Variants in CCDC171 observed in about 807,000 individuals in gnomAD.
The protein encoded by CCDC171 is coiled-coil domain-containing protein 171.
CCDC171 carries 177 observed loss-of-function variants against 168.2 expected under a neutral mutation model. The observed-to-expected ratio is 1.05, with a 90% CI of 0.93 to 1.19. The LOEUF (loss-of-function observed/expected upper bound fraction) is 1.19. CCDC171 is among the 50% of genes most tolerant of loss of function. The pLI, the probability that CCDC171 is intolerant of heterozygous loss-of-function variation, is 0.00. For synonymous variants in CCDC171, 687 were observed against 540.8 expected (o/e 1.27, Z -3.75); for missense variants, 1,991 against 1,539.0 (o/e 1.29, Z -4.91).
At chr9:15,850,404 A>G (rs1229291307) in intron 23 of CCDC171, 1 of 152,002 alleles carries the variant, frequency 6.6e-6, no homozygotes, top group Non-Finnish European at 1.5e-5. Flanking sequence ...GATTATAATC[A>G]TACAGTTCTT....
At chr9:15,728,414 A>T (rs1157980038) in intron 15 of CCDC171, among the ~76,000 whole-genome samples, 1 of 152,210 alleles carries the variant, frequency 6.6e-6, no homozygotes, top group Non-Finnish European at 1.5e-5. Flanking sequence ...AGCAGGATAT[A>T]GTTATTCAAA....
intron 1 of CCDC171, among the ~76,000 whole-genome samples, chr9:16,054,781 G>A (rs1833807597): frequency 6.6e-6 from 1 of 152,216 alleles, no homozygotes; most frequent in South Asian, 2.1e-4. Context: ...AGTGTTATTG[G>A]CATGTTGGAT....
At chr9:16,083,503 T>C in the CCDC171 span, among the ~76,000 whole-genome samples, 2 of 152,200 alleles carry the variant, frequency 1.3e-5, no homozygotes, top group Non-Finnish European at 2.9e-5. Flanking sequence ...TTAAATATAT[T>C]CCATTGAGAT....
At chr9:15,579,597 A>T (rs2040952284) in intron 4 of CCDC171, among the ~76,000 whole-genome samples, 1 of 152,202 alleles carries the variant, frequency 6.6e-6, no homozygotes, top group Non-Finnish European at 1.5e-5. Context: ...TAGCGATATC[A>T]CTCATAACAA....
At chr9:15,590,221 G>T (rs573039391) in intron 4 of CCDC171, among the ~76,000 whole-genome samples, 2 of 152,248 alleles carry the variant, frequency 1.3e-5, no homozygotes, top group East Asian at 3.9e-4. Context: ...GACTTTTAAT[G>T]TATTTCCTTT....
At chr9:15,661,290 A>AC (rs1554742162) in intron 8 of CCDC171, among the ~76,000 whole-genome samples, 91 of 52,744 alleles carry the variant, frequency 1.7e-3, no homozygotes, top group Admixed American at 4.3e-3. Context: ...AAAAAAAAAA[A>AC]AAAAAAAAAA....
intron 6 of CCDC171, among the ~76,000 whole-genome samples, chr9:15,615,990 G>A (rs566473495): frequency 1.1e-4 from 17 of 151,666 alleles, no homozygotes; most frequent in South Asian, 1.0e-3. Flanking sequence ...TCGCTCTGTC[G>A]CCCAGGCTGG....
intron 2 of CCDC171, among the ~76,000 whole-genome samples, chr9:15,565,272 A>C (rs1343815948): frequency 6.6e-6 from 1 of 152,112 alleles, no homozygotes; most frequent in African/African-American, 2.4e-5. Flanking sequence ...ATATGTATTT[A>C]CAAATTAGAA....
At chr9:15,930,493 AC>A (rs1293906762) in intron 25 of CCDC171, among the ~76,000 whole-genome samples, 1 of 151,510 alleles carries the variant, frequency 6.6e-6, no homozygotes, top group Non-Finnish European at 1.5e-5. Context: ...ATATTTTGGC[AC>A]CCCTACCTCT....
In CCDC171 at chr9:15,941,158, C is replaced by A. The variant is rs141836862; in HGVS notation, c.3753+20736C>A. On this transcript the variant is annotated intron_variant, in intron 25 of 25. Coordinates refer to ENST00000380701, the MANE Select transcript of CCDC171 (RefSeq NM_173550.4). ...TATTGCAGAGGATTCAGATCATTAA[C>A]AACAGTAATAGCATATGTTTCAGTT... is the stretch of plus-strand genomic sequence containing the variant. Among the ~76,000 whole-genome samples, 21 of 152,054 alleles carry A rather than the reference C, an allele frequency of 1.4e-4. 1 individual carries two copies. Among genetic ancestry groups the A allele is most frequent in the African/African-American group, 4.6e-4 (19 of 41,510 alleles).
At chr9:15,663,234 C>T (rs894930956) in intron 8 of CCDC171, among the ~76,000 whole-genome samples, 3 of 152,132 alleles carry the variant, frequency 2.0e-5, no homozygotes, top group Non-Finnish European at 4.4e-5. Context: ...GTTTGCACAG[C>T]GTCAAACCCA....
intron 20 of CCDC171, among the ~76,000 whole-genome samples, chr9:15,779,768 T>C (rs372726862): frequency 6.6e-6 from 1 of 152,354 alleles, no homozygotes; most frequent in East Asian, 1.9e-4. Flanking sequence ...CAATGACTTA[T>C]ATGTATTATT....
the CCDC171 span, among the ~76,000 whole-genome samples, chr9:16,093,588 G>A: frequency 1.3e-5 from 2 of 152,218 alleles, no homozygotes; most frequent in Non-Finnish European, 2.9e-5. Context: ...AAGAAGAAGT[G>A]CATTGATTTC....
At chr9:15,650,716 T>C (rs1460956645) in intron 7 of CCDC171, among the ~76,000 whole-genome samples, 1 of 152,192 alleles carries the variant, frequency 6.6e-6, no homozygotes, top group East Asian at 1.9e-4. Flanking sequence ...TTTTTTGTCT[T>C]TTAGTTTTAA....
chr9:15,731,034 C>G (rs1279632904), intron 16 of CCDC171, among the ~76,000 whole-genome samples: 3 of 151,978 alleles, frequency 2.0e-5, no homozygotes, highest in African/African-American at 7.2e-5. Context: ...AGTAAGATAT[C>G]TATCACCTTG....
At chr9:15,756,734 A>G (rs894842975) in intron 18 of CCDC171, among the ~76,000 whole-genome samples, 2 of 152,178 alleles carry the variant, frequency 1.3e-5, no homozygotes, top group Non-Finnish European at 2.9e-5. Flanking sequence ...GTACTCCCAT[A>G]ATTCCGGCAT....
chr9:15,622,293 A>G (rs1375270734), intron 6 of CCDC171, among the ~76,000 whole-genome samples: 1 of 152,244 alleles, frequency 6.6e-6, no homozygotes, highest in African/African-American at 2.4e-5. Context: ...AGTTAAAAAA[A>G]TAGAAATAAG....
chr9:15,679,150 T>C (rs1269984407), intron 10 of CCDC171, among the ~76,000 whole-genome samples: 1 of 152,174 alleles, frequency 6.6e-6, no homozygotes, highest in Non-Finnish European at 1.5e-5. Flanking sequence ...CAAAAATGTA[T>C]TCAAATGTTT....
At chr9:15,754,658 T>A (rs1178298325) in intron 18 of CCDC171, among the ~76,000 whole-genome samples, 1 of 152,200 alleles carries the variant, frequency 6.6e-6, no homozygotes, top group Non-Finnish European at 1.5e-5. Context: ...CTTTGAATAC[T>A]GGTTCTGACA....
Sources: gnomAD v4.1 joint callset for allele counts (sites outside exome capture counted in the v4.1 genomes callset) on GRCh38, gnomAD v4.1.1 for gene constraint, MANE v1.5 for transcripts, NCBI Gene and HGNC (gene_info 2026-07-23, HGNC 2026-07-21) for gene names.